Variants in RHBDD1 observed in about 807,000 individuals in gnomAD.
The protein encoded by RHBDD1 is rhomboid-related protein 4.
RHBDD1 carries 38 observed loss-of-function variants against 36.3 expected under a neutral mutation model. The observed-to-expected ratio is 1.05, with a 90% CI of 0.81 to 1.37. The LOEUF (loss-of-function observed/expected upper bound fraction) is 1.37. Among genes scored for constraint, RHBDD1 ranks in the 40% most tolerant of loss-of-function variants. RHBDD1 has a pLI of 0.00. For missense variants in RHBDD1, 393 were observed against 377.6 expected (o/e 1.04, Z -0.34); for synonymous variants, 151 against 136.5 (o/e 1.11, Z -0.74).
Position 226,997,789 on chromosome 2 carries a change from TTATAAA to T in RHBDD1, c.*2269_*2274del, listed in dbSNP as rs1435808594. On this transcript the variant is annotated 3_prime_UTR_variant, in exon 9 of 9. Coordinates refer to ENST00000392062, the MANE Select transcript of RHBDD1 (RefSeq NM_001167608.3). Reference sequence around the variant, plus strand: ...AGTGATGTGAGAAAGGTCATTTTAGTTATAAATGTAAACCAATTACTTTAGCACAAC... The same window carrying T: ...AGTGATGTGAGAAAGGTCATTTTAGTTGTAAACCAATTACTTTAGCACAAC... The T allele has an allele frequency of 6.6e-6, 1 of 152,226 alleles. No individual in the cohort carries two copies. The highest frequency in any genetic ancestry group is 1.5e-5 in the Non-Finnish European group (1 of 68,044). The allele number at this position is 152,226 out of a possible 1,614,324, so 9.4% of individuals were successfully genotyped here.
intron 8 of RHBDD1, among the ~76,000 whole-genome samples, chr2:226,951,931 A>G (rs937054678): frequency 7.2e-5 from 11 of 152,238 alleles, no homozygotes; most frequent in African/African-American, 2.7e-4. Context: ...ATAGTTTTAA[A>G]TAACTAGAGG....
chr2:226,936,028 C>G (rs987404414), intron 8 of RHBDD1, among the ~76,000 whole-genome samples: 10 of 152,074 alleles, frequency 6.6e-5, no homozygotes, highest in Non-Finnish European at 1.3e-4. Context: ...TGTGTGACCA[C>G]TTAACTTCTT....
chr2:226,904,532 G>A (rs1238418937), intron 5 of RHBDD1, among the ~76,000 whole-genome samples: 18 of 152,074 alleles, frequency 1.2e-4, no homozygotes, highest in Non-Finnish European at 1.6e-4. Context: ...GTGTGTGCAC[G>A]CGCATGCATG....
chr2:226,915,763 A>C (rs1458307239), intron 8 of RHBDD1, among the ~76,000 whole-genome samples: 3 of 152,236 alleles, frequency 2.0e-5, no homozygotes, highest in Non-Finnish European at 2.9e-5. Context: ...GTGGAGAAGA[A>C]GGCATAAATC....
At chr2:226,833,263 A>G (rs1940788390), upstream of RHBDD1, among the ~76,000 whole-genome samples, 2 of 152,346 alleles carry the variant, frequency 1.3e-5, no homozygotes, top group South Asian at 4.1e-4. Context: ...ACAGTAATCA[A>G]TACTTGGTTC....
Position 226,956,134 on chromosome 2 carries a change from G to A in RHBDD1, c.857-39297G>A, listed in dbSNP as rs578150509. On this transcript the variant is annotated intron_variant, in intron 8 of 8. Transcript: ENST00000392062. Reference sequence around the variant, plus strand: ...GGAATTCAAATTGTGTGCTATCAAAGTACCATTGAACCTCACACTGTTTCT... The same window carrying A: ...GGAATTCAAATTGTGTGCTATCAAAATACCATTGAACCTCACACTGTTTCT... Among the ~76,000 whole-genome samples the A allele has an allele frequency of 3.9e-5, 6 of 152,282 alleles. No homozygotes were observed. The South Asian group carries it at 6.2e-4, about 16-fold the overall frequency.
At chr2:226,894,762 G>A (rs145474993) in intron 5 of RHBDD1, among the ~76,000 whole-genome samples, 2,089 of 152,252 alleles carry the variant, frequency 0.014, 39 homozygotes, top group African/African-American at 0.048. Flanking sequence ...GGGTGTGATT[G>A]GGTTGAAAGT....
chr2:226,896,386 A>G (rs545186740), intron 5 of RHBDD1, among the ~76,000 whole-genome samples: 1 of 152,266 alleles, frequency 6.6e-6, no homozygotes, highest in East Asian at 1.9e-4. Flanking sequence ...GTCCATCAGC[A>G]AGTCCTTTTA....
the RHBDD1 span, among the ~76,000 whole-genome samples, chr2:226,826,611 C>T: frequency 6.6e-6 from 1 of 150,512 alleles, no homozygotes; most frequent in African/African-American, 2.4e-5. Context: ...ACCTCCACCT[C>T]CTGGGTTCAA....
chr2:226,991,186 T>C (rs906408571), intron 8 of RHBDD1, among the ~76,000 whole-genome samples: 2 of 152,220 alleles, frequency 1.3e-5, no homozygotes, highest in African/African-American at 4.8e-5. Context: ...TGTCATTTTA[T>C]ATATCTCTTT....
intron 8 of RHBDD1, among the ~76,000 whole-genome samples, chr2:226,957,776 A>C (rs1444296274): frequency 6.6e-6 from 1 of 151,608 alleles, no homozygotes; most frequent in South Asian, 2.1e-4. Context: ...CAGAAGTCCC[A>C]TAAGCACATG....
At chr2:226,856,903 TG>T (rs1449592793) in intron 3 of RHBDD1, among the ~76,000 whole-genome samples, 2 of 152,180 alleles carry the variant, frequency 1.3e-5, no homozygotes, top group Non-Finnish European at 2.9e-5. Flanking sequence ...TGCAGTCAAA[TG>T]TGTTGGCCTA....
intron 8 of RHBDD1, 64 bp from the exon 9 acceptor site, chr2:226,995,367 C>T: frequency 1.0e-6 from 1 of 992,348 alleles, no homozygotes; most frequent in Non-Finnish European, 1.6e-6. Flanking sequence ...CCCTTGGAAT[C>T]CTAGGGTACA....
At chr2:226,813,834 T>A in the RHBDD1 span, among the ~76,000 whole-genome samples, 2 of 152,194 alleles carry the variant, frequency 1.3e-5, no homozygotes, top group Non-Finnish European at 2.9e-5. Flanking sequence ...CCCCACCCAT[T>A]AATACCTGAC....
the RHBDD1 span, among the ~76,000 whole-genome samples, chr2:226,813,478 A>G: frequency 6.6e-6 from 1 of 152,146 alleles, no homozygotes; most frequent in Non-Finnish European, 1.5e-5. Context: ...GATTTGTTGG[A>G]TGTCCACCCA....
chr2:226,801,175 G>T, the RHBDD1 span, among the ~76,000 whole-genome samples: 1 of 152,184 alleles, frequency 6.6e-6, no homozygotes, highest in South Asian at 2.1e-4. Context: ...CTCAGCAGTC[G>T]AGGCGCTGGG....
At chr2:226,837,012 A>C (rs1941049582) in intron 1 of RHBDD1, among the ~76,000 whole-genome samples, 1 of 152,234 alleles carries the variant, frequency 6.6e-6, no homozygotes, top group Admixed American at 6.5e-5. Context: ...GTCTTATCCC[A>C]AACTTACTGA....
intron 8 of RHBDD1, among the ~76,000 whole-genome samples, chr2:226,928,426 G>T (rs866086098): frequency 6.6e-6 from 1 of 151,950 alleles, no homozygotes; most frequent in African/African-American, 2.4e-5. Context: ...ATGATATCAA[G>T]ATGGAAATTA....
intron 3 of RHBDD1, among the ~76,000 whole-genome samples, chr2:226,842,296 A>G (rs1474062636): frequency 6.6e-6 from 1 of 152,154 alleles, no homozygotes; most frequent in East Asian, 1.9e-4. Flanking sequence ...TAGTTTAATC[A>G]GGTCCCATTT....
Sources: allele counts gnomAD v4.1 joint callset (sites outside exome capture counted in the v4.1 genomes callset), GRCh38; gene constraint gnomAD v4.1.1; transcripts MANE v1.5; gene names NCBI Gene and HGNC (gene_info 2026-07-23, HGNC 2026-07-21).